GRID1: variants seen among roughly 807,000 people sequenced by gnomAD.
GRID1 encodes glutamate receptor ionotropic, delta-1.
GRID1 carries 28 observed loss-of-function variants against 98.0 expected under a neutral mutation model. The ratio of observed to expected loss-of-function variants is 0.29; its 90% CI spans 0.21 to 0.39. The LOEUF (loss-of-function observed/expected upper bound fraction) is 0.39, where lower values mean the gene tolerates loss of function less well. GRID1 is among the 10% of genes least tolerant of loss of function. The pLI is 1.00. For synonymous variants in GRID1, 553 were observed against 538.5 expected (o/e 1.03, Z -0.37); for missense variants, 1,111 against 1,340.5 (o/e 0.83, Z 2.67).
intron 8 of GRID1, among the ~76,000 whole-genome samples, chr10:85,768,134 T>A (rs1842215222): frequency 6.6e-6 from 1 of 152,204 alleles, no homozygotes; most frequent in African/African-American, 2.4e-5. Flanking sequence ...AAGCTGAGAA[T>A]GTTTTTTCCA....
chr10:86,119,889 C>T (rs187899725), intron 4 of GRID1, among the ~76,000 whole-genome samples: 3 of 152,238 alleles, frequency 2.0e-5, no homozygotes, highest in Non-Finnish European at 4.4e-5. Context: ...CTCCTGGGTT[C>T]ACGCCATTCT....
intron 4 of GRID1, among the ~76,000 whole-genome samples, chr10:85,987,740 C>A (rs61856003): frequency 0.068 from 10,244 of 151,592 alleles, 405 homozygotes; most frequent in Middle Eastern, 0.099. Context: ...TGCCCTTTTC[C>A]CACATTCTCA....
intron 6 of GRID1, among the ~76,000 whole-genome samples, chr10:85,862,500 A>G (rs1843172962): frequency 6.6e-6 from 1 of 152,200 alleles, no homozygotes; most frequent in Non-Finnish European, 1.5e-5. Context: ...CTGAGATAGC[A>G]GGATCCTGGC....
intron 2 of GRID1, among the ~76,000 whole-genome samples, chr10:86,336,950 T>C (rs1564742376): frequency 6.6e-6 from 1 of 151,204 alleles, no homozygotes; most frequent in African/African-American, 2.4e-5. Context: ...GTTCACGCCA[T>C]TCTCCTGCCT....
At chr10:85,742,991 CTGCCAACTAGA>C (rs1841959071) in intron 8 of GRID1, among the ~76,000 whole-genome samples, 1 of 152,044 alleles carries the variant, frequency 6.6e-6, no homozygotes. Context: ...TCCTTGACCT[CTGCCAACTAGA>C]TGCCAGTAGT....
At chr10:86,046,715 A>G (rs1843428977) in intron 4 of GRID1, among the ~76,000 whole-genome samples, 1 of 152,196 alleles carries the variant, frequency 6.6e-6, no homozygotes, top group South Asian at 2.1e-4. Context: ...GACAAGTGAA[A>G]CTATCAAAAA....
chr10:85,855,507 T>A (rs1843101079), intron 7 of GRID1, among the ~76,000 whole-genome samples: 1 of 152,246 alleles, frequency 6.6e-6, no homozygotes, highest in South Asian at 2.1e-4. Flanking sequence ...ATGCAATTCA[T>A]TGTGACTAAA....
At chr10:86,188,400 G>C (rs955705830) in intron 3 of GRID1, among the ~76,000 whole-genome samples, 1 of 152,180 alleles carries the variant, frequency 6.6e-6, no homozygotes, top group Non-Finnish European at 1.5e-5. Flanking sequence ...GGGAGCTGCA[G>C]CCCACCAGGA....
At chr10:85,638,725 T>C (rs1843078530) in intron 13 of GRID1, among the ~76,000 whole-genome samples, 1 of 152,100 alleles carries the variant, frequency 6.6e-6, no homozygotes, top group South Asian at 2.1e-4. Context: ...TTAATGAATA[T>C]AAATCAGCAA....
chr10:86,301,516 T>A (rs1341450825), intron 2 of GRID1, among the ~76,000 whole-genome samples: 1 of 152,134 alleles, frequency 6.6e-6, no homozygotes. Flanking sequence ...CAGACACACA[T>A]CTCACCCAGA....
At chr10:85,725,959 G>T (rs2132654130) in intron 10 of GRID1, among the ~76,000 whole-genome samples, 1 of 152,292 alleles carries the variant, frequency 6.6e-6, no homozygotes, top group African/African-American at 2.4e-5. Flanking sequence ...ATATTTAAGG[G>T]CTTAAAAAGA....
chr10:86,005,270 G>A (rs1842847089), intron 4 of GRID1, among the ~76,000 whole-genome samples: 1 of 151,824 alleles, frequency 6.6e-6, no homozygotes, highest in South Asian at 2.1e-4. Flanking sequence ...TATACTGTGT[G>A]ATACCCCCTC....
At chr10:86,106,697 G>A (rs1039353522) in intron 4 of GRID1, among the ~76,000 whole-genome samples, 1 of 152,118 alleles carries the variant, frequency 6.6e-6, no homozygotes, top group South Asian at 2.1e-4. Flanking sequence ...AGATGATCAG[G>A]AATGTGCAGT....
chr10:86,313,216 A>G (rs1847855397), intron 2 of GRID1, among the ~76,000 whole-genome samples: 2 of 152,254 alleles, frequency 1.3e-5, no homozygotes, highest in African/African-American at 4.8e-5. Context: ...TTCCTCTGCC[A>G]TTAAAATAAC....
At chr10:85,687,224 C>T (rs903411207) in intron 12 of GRID1, among the ~76,000 whole-genome samples, 8 of 151,526 alleles carry the variant, frequency 5.3e-5, no homozygotes, top group African/African-American at 1.9e-4. Context: ...TACTTCTATT[C>T]ATTGTTCCTC....
intron 12 of GRID1, among the ~76,000 whole-genome samples, chr10:85,714,726 T>C (rs1290284572): frequency 6.6e-6 from 1 of 151,978 alleles, no homozygotes; most frequent in African/African-American, 2.4e-5. Flanking sequence ...TATAAAACAT[T>C]GGTGAAAAAA....
At chr10:86,147,144 C>T (rs1003782428) in intron 3 of GRID1, among the ~76,000 whole-genome samples, 6 of 152,152 alleles carry the variant, frequency 3.9e-5, no homozygotes, top group South Asian at 4.1e-4. Flanking sequence ...CATCTGAGAG[C>T]GTCTTGTCTG....
intron 4 of GRID1, among the ~76,000 whole-genome samples, chr10:86,128,832 A>ATCAG (rs1267684715): frequency 6.6e-6 from 1 of 152,140 alleles, no homozygotes; most frequent in Non-Finnish European, 1.5e-5. Flanking sequence ...CCACTCACAC[A>ATCAG]TCAGTCACTG....
rs767112140 is a variant in GRID1 at position 85,613,520 on chromosome 10, T to C, written c.2488A>G (p.Ser830Gly). 1.2e-6 allele frequency: 2 copies of C among 1,614,174 alleles called. No homozygotes were observed. The highest frequency in any genetic ancestry group is 1.6e-4 in the Middle Eastern group (1 of 6,062). ...AGGATGCAGAAGACCCCGGCGAAGC[T>C]GTGCAGCTTGAGGGATTTGCCGTCG... Reference protein sequence around the residue: ...QADGKSLKLHSFAGVFCILAI... With the variant: ...QADGKSLKLHGFAGVFCILAI... Residue 830 changes from serine to glycine, a missense_variant, in exon 15 of 16, where the codon AGC (serine) becomes GGC (glycine). Physicochemically the swap from Ser to Gly is moderately conservative, Grantham distance 56. Coordinates refer to ENST00000327946, the MANE Select transcript of GRID1 (RefSeq NM_017551.3).
Sources: gnomAD v4.1 joint callset for allele counts (sites outside exome capture counted in the v4.1 genomes callset) on GRCh38, gnomAD v4.1.1 for gene constraint, MANE v1.5 for transcripts, NCBI Gene and HGNC (gene_info 2026-07-23, HGNC 2026-07-21) for gene names.